The following SMCR8 variants were observed in gnomAD, a reference collection of about 807,000 sequenced individuals.
SMCR8 encodes the protein guanine nucleotide exchange protein SMCR8.
In SMCR8, 30 loss-of-function variants were observed where a neutral mutation model predicts 56.6. That is an observed-to-expected ratio of 0.53 (90% CI 0.40 to 0.72). SMCR8 has a LOEUF of 0.72. Among genes scored for constraint, SMCR8 ranks in the 30% least tolerant of loss-of-function variants. SMCR8 has a pLI of 0.00. For missense variants in SMCR8, 1,198 were observed against 1,157.0 expected (o/e 1.04, Z -0.51); for synonymous variants, 538 against 456.0 (o/e 1.18, Z -2.29).
rs764129740 is a variant in SMCR8, at chr17:18,323,014, A to C, written c.2758A>C (p.Thr920Pro). The change falls in exon 2 of 2, where the codon ACC becomes CCC. Residue 920 changes from threonine (T) to proline (P), a missense_variant. Coordinates refer to ENST00000406438, the MANE Select transcript of SMCR8 (RefSeq NM_144775.3). The part of the protein sequence containing the change: ...KLHYMQESPG[T>P]SHPMLRFDYV... ...GCACTACATGCAGGAATCTCCAGGG[A>C]CCAGCCACCCCATGCTCAGGTTTGA... The C allele has an allele frequency of 3.7e-6, 6 of 1,614,166 alleles. No individual in the cohort carries two copies. The Admixed American group carries it at 5.0e-5, about 13-fold the overall frequency.
intron 1 of SMCR8, among the ~76,000 whole-genome samples, chr17:18,320,089 G>T (rs1195330244): frequency 6.6e-6 from 1 of 152,228 alleles, no homozygotes; most frequent in Non-Finnish European, 1.5e-5. Flanking sequence ...GCACAGTTCT[G>T]CCTGGAGAAA....
rs1982689185 is a variant in SMCR8, at chr17:18,327,246, G to GAGGC, written c.*4180_*4183dup. On this transcript the variant is annotated 3_prime_UTR_variant, in exon 2 of 2. Coordinates refer to ENST00000406438, the MANE Select transcript of SMCR8 (RefSeq NM_144775.3). The stretch of plus-strand genomic sequence containing the variant: ...TGGTTAAAGCAGTGGAAAGGAGGAG[G>GAGGC]AGGCAGGGGTGGATGGGGGTGTGGG... The GAGGC allele has an allele frequency of 6.6e-6, 1 of 152,184 alleles. No homozygotes were observed. The highest frequency in any genetic ancestry group is 1.5e-5 in the Non-Finnish European group (1 of 68,080). 9.4% of individuals were successfully genotyped at this position (152,184 alleles called of 1,614,324 possible).
In SMCR8 at chr17:18,316,965, G is replaced by T. The variant is rs1567758282; in HGVS notation, c.1176G>T (p.Lys392Asn). 1 of 1,614,192 alleles carries T rather than the reference G, an allele frequency of 6.2e-7. No individual in the cohort carries two copies. The change falls in exon 1 of 2, where the codon AAG (lysine) becomes AAT (asparagine). Residue 392 changes from lysine (K) to asparagine (N), a missense_variant. Lys to Asn is a moderately conservative substitution (Grantham distance 94). Transcript: ENST00000406438. ...AGAAACAAGAAAGCATACCCTCTAA[G>T]CCCAGTCAAGACAGGCCGCCTTCCA... ...MVEKQESIPSKPSQDRPPSSS... is the reference protein window; with the variant it reads ...MVEKQESIPSNPSQDRPPSSS...
At chr17:18,319,653 G>A (rs780102771) in intron 1 of SMCR8, among the ~76,000 whole-genome samples, 5 of 152,186 alleles carry the variant, frequency 3.3e-5, no homozygotes, top group Non-Finnish European at 7.3e-5. Flanking sequence ...CATCTGTGGG[G>A]ATAAGAGATG....
rs542254808 is a variant in SMCR8, at chr17:18,317,351, G to T, written c.1562G>T (p.Ser521Ile). Reference protein sequence around the residue: ...TISEDSIEVLSTCPSEALIPD... With the variant: ...TISEDSIEVLITCPSEALIPD... ...AGCGAGGACAGTATTGAAGTCCTCA[G>T]TACCTGCCCCTCTGAGGCCCTCATC... Residue 521 changes from serine to isoleucine, a missense_variant, in exon 1 of 2, where the codon AGT (serine) becomes ATT (isoleucine). Ser to Ile is a moderately radical substitution (Grantham distance 142). Transcript: ENST00000406438. The T allele has an allele frequency of 3.1e-6, 5 of 1,614,144 alleles. No individual in the cohort carries two copies. The African/African-American group carries it at 6.7e-5, about 22-fold the overall frequency.
At chr17:18,319,144 C>G (rs1038537330) in intron 1 of SMCR8, among the ~76,000 whole-genome samples, 1 of 152,168 alleles carries the variant, frequency 6.6e-6, no homozygotes, top group Non-Finnish European at 1.5e-5. Flanking sequence ...TGGCAGTTAG[C>G]GGGAGCAGTG....
Position 18,323,958 on chromosome 17 carries a change from T to C in SMCR8, c.*888T>C, listed in dbSNP as rs921985. On this transcript the variant is annotated 3_prime_UTR_variant, in exon 2 of 2. Coordinates refer to ENST00000406438, the MANE Select transcript of SMCR8 (RefSeq NM_144775.3). ...CCAGCAGCTCTCCTGGGTGGCCCACTGGCTCCTGCCGGCCAGAGCGCATGA... is the reference window on the plus strand; with the variant it reads ...CCAGCAGCTCTCCTGGGTGGCCCACCGGCTCCTGCCGGCCAGAGCGCATGA... 105,615 of 152,368 alleles carry C rather than the reference T, an allele frequency of 0.69. 37,430 individuals are homozygous for C. The highest frequency in any genetic ancestry group is 0.85 in the African/African-American group (35,317 of 41,558). 9.4% of individuals were successfully genotyped at this position (152,368 alleles called of 1,614,324 possible). A position where few individuals can be genotyped will look rare whatever the true frequency, so the allele number is the denominator to read the frequency against.
At chr17:18,321,040 C>G (rs920373540) in intron 1 of SMCR8, among the ~76,000 whole-genome samples, 1 of 152,226 alleles carries the variant, frequency 6.6e-6, no homozygotes, top group Non-Finnish European at 1.5e-5. Flanking sequence ...GGTCATTCTT[C>G]ATTACAGTGT....
Position 18,317,088 on chromosome 17 carries a change from G to C in SMCR8, c.1299G>C (p.Leu433=). The stretch of plus-strand genomic sequence containing the variant: ...TGTTGATCAAGATGGAGCAGGAACT[G>C]GGAGATGAGGAGTACAAGGAAGTGG... ...ESVLIKMEQE[L]GDEEYKEVEV... is the part of the protein sequence containing the mutation. Residue 433 remains leucine (L), a synonymous_variant, in exon 1 of 2, where the codon CTG becomes CTC. Transcript: ENST00000406438. The C allele has an allele frequency of 6.2e-7, 1 of 1,614,110 alleles. No homozygotes were observed. Among genetic ancestry groups the C allele is most frequent in the South Asian group, 1.1e-5 (1 of 91,080 alleles).
At position 18,317,942 on chromosome 17, in the gene SMCR8, C is replaced by G; in HGVS notation, c.2153C>G (p.Pro718Arg). The stretch of plus-strand genomic sequence containing the variant: ...GCCTTAAAATTCATCCGCCAGTACC[C>G]CTTTGCCCACCCAGCCATCTACTCC... ...QNALKFIRQY[P>R]FAHPAIYSLL... The change falls in exon 1 of 2, where the codon CCC (proline) becomes CGC (arginine). Residue 718 changes from proline (P) to arginine (R), a missense_variant. Coordinates refer to ENST00000406438, the MANE Select transcript of SMCR8 (RefSeq NM_144775.3). 1 of 1,614,198 alleles carries G rather than the reference C, an allele frequency of 6.2e-7. No individual in the cohort carries two copies.
intron 1 of SMCR8, among the ~76,000 whole-genome samples, chr17:18,321,906 A>G (rs919438540): frequency 1.3e-5 from 2 of 152,242 alleles, no homozygotes; most frequent in Non-Finnish European, 2.9e-5. Context: ...AATTTGGCCA[A>G]GGTCACAGCA....
In SMCR8 at chr17:18,315,795, C is replaced by T. The variant is rs747468803; in HGVS notation, c.6C>T (p.Ile2=). 40 of 1,579,454 alleles carry T rather than the reference C, an allele frequency of 2.5e-5. No individual in the cohort carries two copies. The highest frequency in any genetic ancestry group is 3.3e-5 in the Non-Finnish European group (38 of 1,160,162). Residue 2 remains isoleucine (I), a synonymous_variant, in exon 1 of 2, where the codon ATC becomes ATT. Transcript: ENST00000406438. ...TTCTTCATATATCTGGAAATATGAT[C>T]AGCGCCCCTGACGTAGTGGCCTTCA... M[I]SAPDVVAFTK...
At position 18,322,728 on chromosome 17, in the gene SMCR8, CA is replaced by C; in HGVS notation, c.2473del (p.Thr825ProfsTer56). 1 of 1,614,212 alleles carries C rather than the reference CA, an allele frequency of 6.2e-7. No homozygotes were observed. The highest frequency in any genetic ancestry group is 8.5e-7 in the Non-Finnish European group (1 of 1,180,036). On this transcript the variant is annotated frameshift_variant, in exon 2 of 2. Transcript: ENST00000406438. LOFTEE classifies it high-confidence loss of function. Reference sequence around the variant, plus strand: ...CCCTGCGCTGCCCCCTTTACAGAGGCACCCTGGTGCCCCGCCTGGCAGACCA... The same window carrying C: ...CCCTGCGCTGCCCCCTTTACAGAGGCCCCTGGTGCCCCGCCTGGCAGACCA... ...KTLRCPLYRG[T>X]LVPRLADHRT...
chr17:18,320,354 G>A (rs575767125), intron 1 of SMCR8, among the ~76,000 whole-genome samples: 10 of 152,258 alleles, frequency 6.6e-5, no homozygotes, highest in Non-Finnish European at 1.3e-4. Flanking sequence ...TATGGAAACA[G>A]AAGTGGAGGA....
In SMCR8 at chr17:18,316,270, G is replaced by C; in HGVS notation, c.481G>C (p.Asp161His). The C allele has an allele frequency of 6.2e-7, 1 of 1,613,878 alleles. No individual in the cohort carries two copies. Among genetic ancestry groups the C allele is most frequent in the Non-Finnish European group, 8.5e-7 (1 of 1,180,044 alleles). The change falls in exon 1 of 2, where the codon GAC (aspartate) becomes CAC (histidine). Residue 161 changes from aspartate (D) to histidine (H), a missense_variant. By Grantham distance (81) the Asp-to-His change is moderately conservative. Transcript: ENST00000406438. ...GTTTTGCATGGCTTATATCTCTGCA[G>C]ACCAGCATAAAATCATGCAGCAGTT... is the stretch of plus-strand genomic sequence containing the variant. Reference protein sequence around the residue: ...RPFCMAYISADQHKIMQQFQE... With the variant: ...RPFCMAYISAHQHKIMQQFQE...
rs767643253 is a variant in SMCR8, at chr17:18,317,739, T to C, written c.1950T>C (p.Tyr650=). The C allele has an allele frequency of 3.1e-6, 5 of 1,614,156 alleles. No homozygotes were observed. Among genetic ancestry groups the C allele is most frequent in the East Asian group, 4.5e-5 (2 of 44,874 alleles). ...RDNSCEGFPA[Y]ELDPSHLLAS... ...ACAGTTGTGAAGGGTTTCCCGCTTATGAGCTGGACCCGAGCCACCTGCTGG... is the reference window on the plus strand; with the variant it reads ...ACAGTTGTGAAGGGTTTCCCGCTTACGAGCTGGACCCGAGCCACCTGCTGG... The change falls in exon 1 of 2, where the codon TAT becomes TAC. Residue 650 remains tyrosine, a synonymous_variant. Coordinates refer to ENST00000406438, the MANE Select transcript of SMCR8 (RefSeq NM_144775.3).
intron 1 of SMCR8, among the ~76,000 whole-genome samples, chr17:18,320,224 C>T (rs1295025721): frequency 6.6e-6 from 1 of 152,148 alleles, no homozygotes; most frequent in Non-Finnish European, 1.5e-5. Flanking sequence ...GGAGAGGTGT[C>T]CTCCTGCGGC....
intron 1 of SMCR8, among the ~76,000 whole-genome samples, chr17:18,321,317 C>T (rs1489267797): frequency 6.6e-6 from 1 of 152,144 alleles, no homozygotes; most frequent in Non-Finnish European, 1.5e-5. Context: ...TTTCCTGGCT[C>T]TGATGTGCCA....
Position 18,323,832 on chromosome 17 carries a change from C to G in SMCR8, c.*762C>G, listed in dbSNP as rs1327541315. The G allele has an allele frequency of 6.6e-6, 1 of 152,556 alleles. No individual in the cohort carries two copies. Among genetic ancestry groups the G allele is most frequent in the Non-Finnish European group, 1.5e-5 (1 of 68,300 alleles). The allele number at this position is 152,556 out of a possible 1,614,324, so 9.5% of individuals were successfully genotyped here. A position where few individuals can be genotyped will look rare whatever the true frequency, so the allele number is the denominator to read the frequency against. On this transcript the variant is annotated 3_prime_UTR_variant, in exon 2 of 2. Coordinates refer to ENST00000406438, the MANE Select transcript of SMCR8 (RefSeq NM_144775.3). ...CTAGTGTGAAGCGGGCACAAGTGAC[C>G]AAAGCCAATGGTGAGGACCACCTTG...
Sources: allele counts gnomAD v4.1 joint callset (sites outside exome capture counted in the v4.1 genomes callset), GRCh38; gene constraint gnomAD v4.1.1; transcripts MANE v1.5; gene names NCBI Gene and HGNC (gene_info 2026-07-23, HGNC 2026-07-21).